THSD4: variants seen among roughly 807,000 people sequenced by gnomAD.
The protein encoded by THSD4 is thrombospondin type-1 domain-containing protein 4.
A neutral mutation model predicts 119.0 loss-of-function variants in THSD4; 69 were observed. That is an observed-to-expected ratio of 0.58 (90% CI 0.48 to 0.71). THSD4 has a LOEUF of 0.71. Among genes scored for constraint, THSD4 ranks in the 30% least tolerant of loss-of-function variants. THSD4 has a pLI of 0.00. For synonymous variants in THSD4, 524 were observed against 540.4 expected (o/e 0.97, Z 0.42); for missense variants, 1,393 against 1,391.1 (o/e 1.00, Z -0.02).
At chr15:71,250,784 T>A (rs1473514703) in intron 5 of THSD4, among the ~76,000 whole-genome samples, 1 of 152,216 alleles carries the variant, frequency 6.6e-6, no homozygotes, top group Non-Finnish European at 1.5e-5. Flanking sequence ...GGATCTCGAA[T>A]ATTTAAAAAT....
intron 12 of THSD4, among the ~76,000 whole-genome samples, chr15:71,745,845 A>G (rs764929799): frequency 1.4e-4 from 22 of 152,158 alleles, no homozygotes; most frequent in Non-Finnish European, 2.8e-4. Context: ...GGGTTTTGCC[A>G]TGTTGGCCAG....
chr15:71,143,800 G>T (rs1331404811), intron 2 of THSD4, among the ~76,000 whole-genome samples: 1 of 149,260 alleles, frequency 6.7e-6, no homozygotes, highest in Non-Finnish European at 1.5e-5. Flanking sequence ...TGAACTTCTG[G>T]GCTCAAGCGA....
intron 6 of THSD4, among the ~76,000 whole-genome samples, chr15:71,373,366 T>C (rs1195099678): frequency 1.3e-5 from 2 of 152,184 alleles, no homozygotes; most frequent in African/African-American, 2.4e-5. Flanking sequence ...TTGAAAAGAC[T>C]GTTATTTCCT....
intron 8 of THSD4, among the ~76,000 whole-genome samples, chr15:71,685,466 G>C (rs1455831002): frequency 2.0e-5 from 3 of 152,126 alleles, no homozygotes; most frequent in African/African-American, 4.8e-5. Context: ...TACAGTAACA[G>C]TTTTTTTAAA....
rs899903997 is a variant in THSD4, at chr15:71,154,553, G to A, written c.30-310G>A. 6.6e-5 allele frequency among the ~76,000 whole-genome samples: 10 copies of A among 152,296 alleles called. No individual in the cohort carries two copies. The East Asian group carries it at 1.4e-3, about 21-fold the overall frequency. On this transcript the variant is annotated intron_variant, in intron 2 of 17. Coordinates refer to ENST00000261862, the MANE Select transcript of THSD4 (RefSeq NM_024817.3). ...CCCCTAAACCTCTAAGCCAGTTCCC[G>A]TTGTCATCCCCGTTTTTCAGGGGAG... is the stretch of plus-strand genomic sequence containing the variant.
In THSD4 at chr15:71,215,420, GT is replaced by G. The variant is rs1202675377; in HGVS notation, c.464+22del. The G allele has an allele frequency of 2.0e-6, 3 of 1,502,790 alleles. No individual in the cohort carries two copies. In the Admixed American group the frequency reaches 6.3e-5, roughly 31 times the overall value. 93.1% of individuals were successfully genotyped at this position (1,502,790 alleles called of 1,614,324 possible). A position where few individuals can be genotyped will look rare whatever the true frequency, so the allele number is the denominator to read the frequency against. On this transcript the variant is annotated intron_variant, in intron 4 of 17. Transcript: ENST00000261862. ...AGAAGGTACACGCCCGCCCTTGTCT[GT>G]GCCGCTCCCCGTCCCTGTCCCAGTA...
intron 7 of THSD4, among the ~76,000 whole-genome samples, chr15:71,546,391 G>A (rs181132065): frequency 1.3e-5 from 2 of 152,236 alleles, no homozygotes; most frequent in Admixed American, 6.5e-5. Flanking sequence ...CAGGATAACA[G>A]GTGACCATGT....
chr15:71,309,394 T>A (rs2045080399), intron 6 of THSD4, among the ~76,000 whole-genome samples: 1 of 152,250 alleles, frequency 6.6e-6, no homozygotes, highest in Admixed American at 6.5e-5. Context: ...CTTTATATAT[T>A]CTGAATACTT....
intron 6 of THSD4, among the ~76,000 whole-genome samples, chr15:71,392,491 G>T (rs1334566126): frequency 6.6e-6 from 1 of 152,186 alleles, no homozygotes; most frequent in Non-Finnish European, 1.5e-5. Flanking sequence ...TAAGGACTAT[G>T]CAGAGATCAT....
chr15:71,519,799 C>G (rs28621001), intron 7 of THSD4, among the ~76,000 whole-genome samples: 8,211 of 152,208 alleles, frequency 0.054, 720 homozygotes, highest in African/African-American at 0.19. Context: ...GAGGATAGTG[C>G]TTTGGAAACA....
At chr15:71,126,506 T>C (rs599048) in intron 1 of THSD4, among the ~76,000 whole-genome samples, 10,469 of 152,166 alleles carry the variant, frequency 0.069, 1,112 homozygotes, top group African/African-American at 0.23. Context: ...TTAAATAAGA[T>C]CTAGCACCTC....
At chr15:71,308,352 T>C (rs2045061576) in intron 6 of THSD4, among the ~76,000 whole-genome samples, 1 of 152,232 alleles carries the variant, frequency 6.6e-6, no homozygotes, top group South Asian at 2.1e-4. Context: ...CTTAGAATGA[T>C]TGAATTCAAG....
intron 7 of THSD4, among the ~76,000 whole-genome samples, chr15:71,422,963 C>T (rs930476359): frequency 3.0e-4 from 45 of 152,282 alleles, no homozygotes; most frequent in Middle Eastern, 3.4e-3. Flanking sequence ...TCCCCGTGGC[C>T]ACCACCTCCA....
At chr15:71,237,837 C>A (rs2044117995) in intron 4 of THSD4, among the ~76,000 whole-genome samples, 1 of 152,074 alleles carries the variant, frequency 6.6e-6, no homozygotes, top group Non-Finnish European at 1.5e-5. Context: ...GACTGCTTAG[C>A]ATTATCTTTG....
At position 71,321,799 on chromosome 15, in the gene THSD4, C is replaced by CT. The variant is rs2045273060; in HGVS notation, c.1015+65086dup. Among the ~76,000 whole-genome samples the CT allele has an allele frequency of 2.0e-5, 3 of 151,866 alleles. 1 individual carries two copies. Among genetic ancestry groups the CT allele is most frequent in the Admixed American group, 2.0e-4 (3 of 15,244 alleles). ...TTTAACTGAAAAACAGCTGAAACAA[C>CT]TTAAGACCTATTAAAACAACAAATG... On this transcript the variant is annotated intron_variant, in intron 6 of 17. Transcript: ENST00000261862.
At chr15:71,477,593 G>A (rs2047672075) in intron 7 of THSD4, among the ~76,000 whole-genome samples, 1 of 152,262 alleles carries the variant, frequency 6.6e-6, no homozygotes, top group African/African-American at 2.4e-5. Context: ...TTTTCTTCTT[G>A]AGCAACTCTT....
chr15:71,557,299 A>C (rs1215025621), intron 7 of THSD4, among the ~76,000 whole-genome samples: 2 of 152,202 alleles, frequency 1.3e-5, no homozygotes, highest in South Asian at 2.1e-4. Flanking sequence ...TTATAATGTT[A>C]AACTATCCTT....
chr15:71,506,287 A>G (rs539178402), intron 7 of THSD4, among the ~76,000 whole-genome samples: 2 of 152,212 alleles, frequency 1.3e-5, no homozygotes, highest in South Asian at 4.2e-4. Flanking sequence ...GTGCACCATG[A>G]TGTTTAGAAC....
At chr15:71,236,081 G>A (rs926552495) in intron 4 of THSD4, among the ~76,000 whole-genome samples, 12 of 152,288 alleles carry the variant, frequency 7.9e-5, no homozygotes, top group African/African-American at 2.9e-4. Flanking sequence ...GCTGCTCTGT[G>A]GGATGCTGTG....
Sources: gnomAD v4.1 joint callset for allele counts (sites outside exome capture counted in the v4.1 genomes callset) on GRCh38, gnomAD v4.1.1 for gene constraint, MANE v1.5 for transcripts, NCBI Gene and HGNC (gene_info 2026-07-23, HGNC 2026-07-21) for gene names.